The following GLIS3 variants were observed in gnomAD, a reference collection of about 807,000 sequenced individuals.
The protein encoded by GLIS3 is GLIS family zinc finger 3.
Under a neutral mutation model 78.6 loss-of-function variants are expected in GLIS3, and 53 were observed. The observed-to-expected ratio is 0.67, with a 90% CI of 0.54 to 0.85. The LOEUF is 0.85. Among genes scored for constraint, GLIS3 ranks in the 40% least tolerant of loss-of-function variants. The pLI, the probability that GLIS3 is intolerant of heterozygous loss-of-function variation, is 0.00. For missense variants in GLIS3, 1,703 were observed against 1,231.1 expected (o/e 1.38, Z -5.74); for synonymous variants, 684 against 509.9 (o/e 1.34, Z -4.60).
At chr9:4,293,292 T>C (rs563472927) in intron 1 of GLIS3, among the ~76,000 whole-genome samples, 3 of 152,338 alleles carry the variant, frequency 2.0e-5, no homozygotes, top group Non-Finnish European at 4.4e-5. Flanking sequence ...TATTCAGGCA[T>C]CTTATTGTGT....
At chr9:4,179,497 C>T (rs1219181649) in intron 2 of GLIS3, among the ~76,000 whole-genome samples, 1 of 152,152 alleles carries the variant, frequency 6.6e-6, no homozygotes, top group Non-Finnish European at 1.5e-5. Flanking sequence ...CTCAAAAGGG[C>T]TCCGTTTAGA....
At chr9:4,336,687 C>T (rs544552748) in intron 2 of GLIS3, among the ~76,000 whole-genome samples, 2 of 152,318 alleles carry the variant, frequency 1.3e-5, no homozygotes, top group Admixed American at 1.3e-4. Context: ...CTTGCCATTC[C>T]TCAAAACTAT....
At chr9:4,427,675 A>G in the GLIS3 span, among the ~76,000 whole-genome samples, 42,107 of 151,870 alleles carry the variant, frequency 0.28, 6,677 homozygotes, top group Non-Finnish European at 0.36. Flanking sequence ...CCAGGTCAAC[A>G]TGGTGAAACC....
intron 2 of GLIS3, among the ~76,000 whole-genome samples, chr9:4,168,662 T>C (rs1816098897): frequency 6.6e-6 from 1 of 152,204 alleles, no homozygotes; most frequent in Non-Finnish European, 1.5e-5. Flanking sequence ...TTAAAAAAGA[T>C]TTATGTATCA....
At chr9:4,481,711 G>C in the GLIS3 span, among the ~76,000 whole-genome samples, 1 of 152,114 alleles carries the variant, frequency 6.6e-6, no homozygotes, top group Non-Finnish European at 1.5e-5. Flanking sequence ...TTCCAGCTGA[G>C]CTGGGGTGAA....
chr9:4,335,286 C>T (rs766477041), intron 2 of GLIS3, among the ~76,000 whole-genome samples: 25 of 152,164 alleles, frequency 1.6e-4, no homozygotes, highest in Non-Finnish European at 2.9e-4. Context: ...ACTCCAGTGA[C>T]GATCAAAGTC....
chr9:4,413,584 A>G, the GLIS3 span, among the ~76,000 whole-genome samples: 1 of 152,064 alleles, frequency 6.6e-6, no homozygotes, highest in Non-Finnish European at 1.5e-5. Flanking sequence ...TAGCTTGCCA[A>G]ACTCTTCAGT....
intron 9 of GLIS3, among the ~76,000 whole-genome samples, chr9:3,840,840 A>C (rs1051123922): frequency 1.4e-4 from 21 of 152,202 alleles, no homozygotes; most frequent in African/African-American, 4.8e-4. Flanking sequence ...CATGCTGGGT[A>C]CTTTCTCCAC....
chr9:4,090,928 C>A (rs1829444487), intron 4 of GLIS3, among the ~76,000 whole-genome samples: 2 of 152,186 alleles, frequency 1.3e-5, no homozygotes, highest in African/African-American at 2.4e-5. Flanking sequence ...TGACTGCAAA[C>A]CCTGGCTCAG....
intron 8 of GLIS3, among the ~76,000 whole-genome samples, chr9:3,866,411 A>C (rs1461704688): frequency 2.6e-5 from 4 of 152,204 alleles, no homozygotes; most frequent in African/African-American, 4.8e-5. Context: ...CAGTGAGCCG[A>C]GATCACGCCA....
chr9:4,366,716 T>C, the GLIS3 span, among the ~76,000 whole-genome samples: 2 of 152,182 alleles, frequency 1.3e-5, no homozygotes, highest in Non-Finnish European at 2.9e-5. Context: ...GGCTGGAGGC[T>C]CCAGGCCTAG....
chr9:4,483,313 G>C, the GLIS3 span, among the ~76,000 whole-genome samples: 1 of 152,200 alleles, frequency 6.6e-6, no homozygotes. Flanking sequence ...GCACATTAGA[G>C]ACCAAAGTGT....
intron 2 of GLIS3, among the ~76,000 whole-genome samples, chr9:4,282,329 A>G (rs1219562044): frequency 2.6e-5 from 4 of 152,160 alleles, no homozygotes; most frequent in Admixed American, 1.3e-4. Flanking sequence ...GGGCATTTCT[A>G]TGAGGGTGTT....
intron 2 of GLIS3, among the ~76,000 whole-genome samples, chr9:4,233,952 C>G (rs1401999892): frequency 6.6e-6 from 1 of 152,168 alleles, no homozygotes; most frequent in East Asian, 1.9e-4. Context: ...TTTCCTTAAA[C>G]TTCATAAACC....
chr9:4,270,820 A>G (rs934947672), intron 2 of GLIS3, among the ~76,000 whole-genome samples: 2 of 152,006 alleles, frequency 1.3e-5, no homozygotes, highest in Admixed American at 1.3e-4. Context: ...AGATGGTAAG[A>G]CTTCTCAGCC....
chr9:4,312,715 C>A (rs920580108), intron 2 of GLIS3, among the ~76,000 whole-genome samples: 7 of 152,172 alleles, frequency 4.6e-5, no homozygotes, highest in African/African-American at 1.7e-4. Context: ...CTGCTCACTT[C>A]GTTGTGGCTT....
intron 4 of GLIS3, among the ~76,000 whole-genome samples, chr9:4,063,202 T>C (rs1478535559): frequency 1.3e-5 from 2 of 152,172 alleles, no homozygotes; most frequent in Non-Finnish European, 2.9e-5. Flanking sequence ...ATGTATGAGA[T>C]GTGTCCTTTC....
Position 3,828,420 on chromosome 9 carries a change from A to G in GLIS3, c.2657-12T>C. 1 of 1,612,602 alleles carries G rather than the reference A, an allele frequency of 6.2e-7. No individual in the cohort carries two copies. The highest frequency in any genetic ancestry group is 1.3e-5 in the African/African-American group (1 of 75,030). On this transcript the variant is annotated splice_polypyrimidine_tract_variant and intron_variant, in intron 10 of 10. Transcript: ENST00000381971. Reference sequence around the variant, plus strand: ...AGGTAAATCATACACTGGAAGAGAAAGAACGCAGTTAAGTCAGTAACTCCT... The same window carrying G: ...AGGTAAATCATACACTGGAAGAGAAGGAACGCAGTTAAGTCAGTAACTCCT...
chr9:3,982,078 T>C lies in GLIS3; in HGVS notation c.1711-44889A>G, dbSNP rs116510550. On this transcript the variant is annotated intron_variant, in intron 4 of 10. Coordinates refer to ENST00000381971, the MANE Select transcript of GLIS3 (RefSeq NM_001042413.2). ...CCTTTAAAGAATGGCACATTTTAAT[T>C]CCTTTGCTGTTTCCACATAGTGCTA... Among the ~76,000 whole-genome samples, 448 of 152,330 alleles carry C rather than the reference T, an allele frequency of 2.9e-3. 2 individuals are homozygous for C. Among genetic ancestry groups the C allele is most frequent in the African/African-American group, 0.011 (437 of 41,570 alleles).
Sources: allele counts gnomAD v4.1 joint callset (sites outside exome capture counted in the v4.1 genomes callset), GRCh38; gene constraint gnomAD v4.1.1; transcripts MANE v1.5; gene names NCBI Gene and HGNC (gene_info 2026-07-23, HGNC 2026-07-21).